The following CSMD1 variants were observed in gnomAD, a reference collection of about 807,000 sequenced individuals.
CSMD1 encodes CUB and sushi domain-containing protein 1.
CSMD1 carries 213 observed loss-of-function variants against 417.5 expected under a neutral mutation model. The observed-to-expected ratio is 0.51, with a 90% CI of 0.46 to 0.57. CSMD1 has a LOEUF of 0.57. CSMD1 is among the 20% of genes least tolerant of loss of function. CSMD1 has a pLI of 0.00. For missense variants in CSMD1, 6,923 were observed against 4,529.7 expected (o/e 1.53, Z -15.17); for synonymous variants, 2,862 against 1,736.8 (o/e 1.65, Z -16.11).
chr8:4,931,263 G>A (rs1215598045), intron 1 of CSMD1, among the ~76,000 whole-genome samples: 2 of 152,084 alleles, frequency 1.3e-5, no homozygotes, highest in African/African-American at 2.4e-5. Context: ...ACATTTCTGT[G>A]TTTGACATTA....
At chr8:4,155,187 T>C (rs1796767010) in intron 3 of CSMD1, among the ~76,000 whole-genome samples, 2 of 152,180 alleles carry the variant, frequency 1.3e-5, no homozygotes, top group African/African-American at 4.8e-5. Context: ...TTGCCCAGGA[T>C]TGTCCTTTTG....
intron 3 of CSMD1, among the ~76,000 whole-genome samples, chr8:4,211,100 G>T (rs1292985350): frequency 6.6e-6 from 1 of 151,980 alleles, no homozygotes; most frequent in East Asian, 1.9e-4. Flanking sequence ...TACATTTTGG[G>T]AATTTTCTTG....
At chr8:4,465,184 A>T (rs1168328366) in intron 2 of CSMD1, among the ~76,000 whole-genome samples, 1 of 152,160 alleles carries the variant, frequency 6.6e-6, no homozygotes, top group African/African-American at 2.4e-5. Context: ...AGGGAATAGG[A>T]AGTCCAAACC....
At chr8:3,684,217 T>C (rs1585071653) in intron 7 of CSMD1, among the ~76,000 whole-genome samples, 1 of 143,252 alleles carries the variant, frequency 7.0e-6, no homozygotes, top group Non-Finnish European at 1.5e-5. Flanking sequence ...ATATATAATA[T>C]ATAACATAAT....
In CSMD1 at chr8:3,073,578, A is replaced by AT. The variant is rs200501004; in HGVS notation, c.7474+13518dup. On this transcript the variant is annotated intron_variant, in intron 49 of 69. Transcript: ENST00000635120. The stretch of plus-strand genomic sequence containing the variant: ...ATTCAAACTTTAGAAAAATAAATCA[A>AT]TTTTAACAGAAAATAGAGAGGACTT... Among the ~76,000 whole-genome samples, 565 of 152,270 alleles carry AT rather than the reference A, an allele frequency of 3.7e-3. 3 individuals carry two copies. Among genetic ancestry groups the AT allele is most frequent in the African/African-American group, 0.013 (540 of 41,560 alleles).
chr8:3,515,644 T>G (rs756277611), intron 10 of CSMD1, among the ~76,000 whole-genome samples: 59 of 152,232 alleles, frequency 3.9e-4, no homozygotes, highest in African/African-American at 1.4e-3. Context: ...ACTGGAAATG[T>G]GGCCAACTTG....
At chr8:4,455,836 C>T (rs1289390076) in intron 2 of CSMD1, among the ~76,000 whole-genome samples, 1 of 138,400 alleles carries the variant, frequency 7.2e-6, no homozygotes, top group African/African-American at 2.7e-5. Context: ...GAGGCTGAGG[C>T]AAGATAACTG....
chr8:4,098,791 A>T (rs924786170), intron 3 of CSMD1, among the ~76,000 whole-genome samples: 2 of 152,206 alleles, frequency 1.3e-5, no homozygotes, highest in African/African-American at 4.8e-5. Flanking sequence ...ATTACTAATA[A>T]GAAGACAATG....
intron 63 of CSMD1, 58 bp from the exon 64 acceptor site, chr8:2,955,826 C>T: frequency 6.7e-7 from 1 of 1,494,132 alleles, no homozygotes; most frequent in South Asian, 1.2e-5. Context: ...GCACATGTGT[C>T]TAGAGAAATT....
intron 2 of CSMD1, among the ~76,000 whole-genome samples, chr8:4,519,525 A>C (rs1803312427): frequency 6.6e-6 from 1 of 151,742 alleles, no homozygotes; most frequent in Non-Finnish European, 1.5e-5. Flanking sequence ...GGATCATCTG[A>C]GGTCAGGAGT....
intron 10 of CSMD1, among the ~76,000 whole-genome samples, chr8:3,504,174 C>T (rs570516544): frequency 3.5e-4 from 54 of 152,226 alleles, no homozygotes; most frequent in African/African-American, 1.3e-3. Context: ...CAATGACACA[C>T]TGTATACCAG....
chr8:3,955,260 A>G (rs1196004679), intron 5 of CSMD1, among the ~76,000 whole-genome samples: 1 of 152,112 alleles, frequency 6.6e-6, no homozygotes, highest in Non-Finnish European at 1.5e-5. Context: ...GGCAATGCCA[A>G]CCAACATGCA....
rs5888975 is a variant in CSMD1, at chr8:3,608,173, C to CAAA, written c.1097+8534_1097+8536dup. On this transcript the variant is annotated intron_variant, in intron 8 of 69. Coordinates refer to ENST00000635120, the MANE Select transcript of CSMD1 (RefSeq NM_033225.6). ...TGGGCAACAGAGCAAGAAGCCATCTCAAAAAAAAAAAAAAAAAAAGTAAAG... is the reference window on the plus strand; with the variant it reads ...TGGGCAACAGAGCAAGAAGCCATCTCAAAAAAAAAAAAAAAAAAAAAAGTAAAG... 2.6e-4 allele frequency among the ~76,000 whole-genome samples: 25 copies of CAAA among 97,326 alleles called. 1 individual carries two copies. The highest frequency in any genetic ancestry group is 8.8e-4 in the African/African-American group (23 of 26,166). 63.8% of individuals were successfully genotyped at this position (97,326 alleles called of 152,430 possible). A position where few individuals can be genotyped will look rare whatever the true frequency, so the allele number is the denominator to read the frequency against.
At chr8:4,401,220 A>T (rs1255944472) in intron 3 of CSMD1, among the ~76,000 whole-genome samples, 2 of 152,172 alleles carry the variant, frequency 1.3e-5, no homozygotes, top group African/African-American at 4.8e-5. Context: ...GAAATAACTT[A>T]ATGAATTTCA....
chr8:3,300,683 C>G (rs970716414), intron 25 of CSMD1, among the ~76,000 whole-genome samples: 1 of 151,912 alleles, frequency 6.6e-6, no homozygotes, highest in Non-Finnish European at 1.5e-5. Context: ...ATGGCCAGGC[C>G]TGGTGGCTCA....
At chr8:3,265,972 G>A (rs1801402067) in intron 26 of CSMD1, among the ~76,000 whole-genome samples, 1 of 151,962 alleles carries the variant, frequency 6.6e-6, no homozygotes, top group Admixed American at 6.6e-5. Flanking sequence ...ATTTTTAGAT[G>A]TCTGCAAGAT....
intron 5 of CSMD1, among the ~76,000 whole-genome samples, chr8:3,863,047 C>A (rs1250504669): frequency 6.6e-6 from 1 of 152,122 alleles, no homozygotes; most frequent in Non-Finnish European, 1.5e-5. Context: ...AAGACGGCAC[C>A]TCCCTGCAGC....
chr8:4,969,922 T>C (rs1453355605), intron 1 of CSMD1, among the ~76,000 whole-genome samples: 1 of 152,144 alleles, frequency 6.6e-6, no homozygotes, highest in East Asian at 1.9e-4. Flanking sequence ...GTTTGAAGTA[T>C]ACTACGGTTA....
chr8:4,948,823 G>A (rs1055793501), intron 1 of CSMD1, among the ~76,000 whole-genome samples: 11 of 152,168 alleles, frequency 7.2e-5, no homozygotes, highest in African/African-American at 2.6e-4. Context: ...GAATGGAGCT[G>A]CAGCATAAGG....
Sources: gnomAD v4.1 joint callset for allele counts (sites outside exome capture counted in the v4.1 genomes callset) on GRCh38, gnomAD v4.1.1 for gene constraint, MANE v1.5 for transcripts, NCBI Gene and HGNC (gene_info 2026-07-23, HGNC 2026-07-21) for gene names.